The following ASCC1 variants were observed in gnomAD, a reference collection of about 807,000 sequenced individuals.
The protein encoded by ASCC1 is ASC-1 complex subunit P50.
In ASCC1, 35 loss-of-function variants were observed where a neutral mutation model predicts 46.6. The ratio of observed to expected loss-of-function variants is 0.75; its 90% CI spans 0.57 to 0.99. The LOEUF is 0.99. Ranked by LOEUF, ASCC1 falls within the 50% of genes least tolerant of loss-of-function variation. The pLI, the probability that ASCC1 is intolerant of heterozygous loss-of-function variation, is 0.00. For missense variants in ASCC1, 376 were observed against 428.7 expected, an observed-to-expected ratio of 0.88 and a Z score of 1.09; for synonymous variants, 143 against 146.6, an observed-to-expected ratio of 0.98 and a Z score of 0.18.
Position 72,133,049 on chromosome 10 carries a change from G to C in ASCC1, c.871+8C>G, listed in dbSNP as rs574845267. The C allele has an allele frequency of 4.3e-5, 70 of 1,614,048 alleles. No homozygotes were observed. The South Asian group carries it at 7.4e-4, about 17-fold the overall frequency. On this transcript the variant is annotated splice_region_variant and intron_variant, in intron 8 of 9. Coordinates refer to ENST00000672957, the MANE Select transcript of ASCC1 (RefSeq NM_001198800.3). ...ACAAACTGTGCTATAGTTCTCTGGG[G>C]GACTTACCATTGGGGTCTTTCCTGA... is the stretch of plus-strand genomic sequence containing the variant.
intron 7 of ASCC1, among the ~76,000 whole-genome samples, chr10:72,139,114 CT>C (rs1222967667): frequency 0.038 from 4,966 of 130,628 alleles, 177 homozygotes; most frequent in African/African-American, 0.14. Context: ...TTTTCTTTTT[CT>C]TTTTTTTTTT....
rs1849707289 is a variant in ASCC1, at chr10:72,161,623, TTAGA to T, written c.537_540del (p.His179GlnfsTer9). On this transcript the variant is annotated frameshift_variant, in exon 6 of 10. Transcript: ENST00000672957. LOFTEE classifies it high-confidence loss of function. ...CTCAAAAGCACCAACATCCCAATAGTTAGATGAAGCTTTTTAGGATTCTGGAAAA... is the reference window on the plus strand; with the variant it reads ...CTCAAAAGCACCAACATCCCAATAGTTGAAGCTTTTTAGGATTCTGGAAAA... 6.2e-7 allele frequency: 1 copy of T among 1,614,152 alleles called. No individual in the cohort carries two copies. Among genetic ancestry groups the T allele is most frequent in the African/African-American group, 1.3e-5 (1 of 75,040 alleles).
chr10:72,160,947 G>A (rs1849608599), intron 6 of ASCC1, among the ~76,000 whole-genome samples: 1 of 151,814 alleles, frequency 6.6e-6, no homozygotes, highest in Non-Finnish European at 1.5e-5. Flanking sequence ...GCCGGACGCG[G>A]TGGCGGGCGC....
intron 4 of ASCC1, 44 bp downstream of exon 4, chr10:72,203,383 T>G (rs754846819): frequency 5.0e-6 from 7 of 1,404,012 alleles, no homozygotes; most frequent in Non-Finnish European, 7.1e-6. Flanking sequence ...TCCATAAACA[T>G]GCAAAAGTGA....
intron 9 of ASCC1, among the ~76,000 whole-genome samples, chr10:72,105,849 A>T (rs1196230030): frequency 6.6e-6 from 1 of 152,174 alleles, no homozygotes; most frequent in Non-Finnish European, 1.5e-5. Flanking sequence ...CCTGTGACAC[A>T]GCCATCAAAG....
intron 9 of ASCC1, among the ~76,000 whole-genome samples, chr10:72,113,661 A>C (rs1348250968): frequency 1.3e-5 from 2 of 152,238 alleles, no homozygotes; most frequent in African/African-American, 4.8e-5. Context: ...AGAAGCTACA[A>C]CACCAAACTG....
intron 4 of ASCC1, among the ~76,000 whole-genome samples, chr10:72,197,423 G>A (rs12256800): frequency 0.14 from 19,417 of 138,654 alleles, 3,754 homozygotes; most frequent in African/African-American, 0.44. Context: ...AGCCAAGATC[G>A]TGCTACTGCA....
chr10:72,136,265 C>G (rs141394875), intron 7 of ASCC1, among the ~76,000 whole-genome samples: 1 of 151,956 alleles, frequency 6.6e-6, no homozygotes, highest in Non-Finnish European at 1.5e-5. Flanking sequence ...ATGCACCAAT[C>G]GGCACTCTGT....
At chr10:72,190,537 G>A in intron 5 of ASCC1, 6 of 1,522,032 alleles carry the variant, frequency 3.9e-6, no homozygotes, top group Non-Finnish European at 5.4e-6. Flanking sequence ...GGGCAGCTTG[G>A]AGAAGGCGCA....
chr10:72,125,840 A>G (rs997279629), intron 9 of ASCC1, among the ~76,000 whole-genome samples: 1 of 152,206 alleles, frequency 6.6e-6, no homozygotes, highest in Non-Finnish European at 1.5e-5. Context: ...TCTATTAACT[A>G]TCTGTACCCC....
chr10:72,117,871 G>A (rs752407478), intron 9 of ASCC1, among the ~76,000 whole-genome samples: 3 of 152,170 alleles, frequency 2.0e-5, no homozygotes, highest in Non-Finnish European at 4.4e-5. Flanking sequence ...AAAATATCCA[G>A]TCATAGAAAT....
At chr10:72,184,686 G>T (rs1014840671) in intron 5 of ASCC1, among the ~76,000 whole-genome samples, 8 of 151,404 alleles carry the variant, frequency 5.3e-5, no homozygotes, top group African/African-American at 1.9e-4. Flanking sequence ...TCCTCTCTCC[G>T]CAACTAAAAG....
In ASCC1 at chr10:72,096,556, A is replaced by C. The variant is rs1042595275; in HGVS notation, c.*778T>G. 2.2e-6 allele frequency: 1 copy of C among 454,012 alleles called. No individual in the cohort carries two copies. Among genetic ancestry groups the C allele is most frequent in the African/African-American group, 2.0e-5 (1 of 50,010 alleles). 28.1% of individuals were successfully genotyped at this position (454,012 alleles called of 1,614,324 possible). A position where few individuals can be genotyped will look rare whatever the true frequency, so the allele number is the denominator to read the frequency against. On this transcript the variant is annotated 3_prime_UTR_variant, in exon 10 of 10. Transcript: ENST00000672957. ...ACAACTTTAATGGTTATTTTGCTAA[A>C]GATAAAACTCTGGGTGGTAAAGGAA...
chr10:72,182,238 T>C (rs1852733966), intron 5 of ASCC1, among the ~76,000 whole-genome samples: 1 of 152,172 alleles, frequency 6.6e-6, no homozygotes, highest in South Asian at 2.1e-4. Flanking sequence ...CACCTAACCA[T>C]GAAAAGGTCA....
At chr10:72,199,924 G>A (rs1856257456) in intron 4 of ASCC1, among the ~76,000 whole-genome samples, 2 of 151,620 alleles carry the variant, frequency 1.3e-5, no homozygotes, top group South Asian at 2.1e-4. Flanking sequence ...GTAGAGATGG[G>A]GTTTTGCCAT....
At chr10:72,102,641 GAGA>G (rs1841906908) in intron 9 of ASCC1, among the ~76,000 whole-genome samples, 1 of 152,024 alleles carries the variant, frequency 6.6e-6, no homozygotes, top group African/African-American at 2.4e-5. Context: ...ATCATAACAG[GAGA>G]TTTTAAAAAC....
At chr10:72,145,646 A>G (rs559421543) in intron 7 of ASCC1, among the ~76,000 whole-genome samples, 1 of 152,334 alleles carries the variant, frequency 6.6e-6, no homozygotes. Context: ...AATTGCCATA[A>G]TAGTTTCCCT....
intron 9 of ASCC1, among the ~76,000 whole-genome samples, chr10:72,110,362 G>A (rs1842792414): frequency 6.6e-6 from 1 of 152,204 alleles, no homozygotes; most frequent in Non-Finnish European, 1.5e-5. Context: ...CCGGCTTTTG[G>A]GAGGCTGGGC....
At chr10:72,127,331 AG>A (rs1026331422) in intron 9 of ASCC1, among the ~76,000 whole-genome samples, 4 of 152,208 alleles carry the variant, frequency 2.6e-5, no homozygotes, top group Non-Finnish European at 5.9e-5. Flanking sequence ...ATATTACAGA[AG>A]GGTAGTCTGT....
Sources: allele counts gnomAD v4.1 joint callset (sites outside exome capture counted in the v4.1 genomes callset), GRCh38; gene constraint gnomAD v4.1.1; transcripts MANE v1.5; gene names NCBI Gene and HGNC (gene_info 2026-07-23, HGNC 2026-07-21).